Variants in NKX6-2 observed in about 807,000 individuals in gnomAD.
NKX6-2 encodes NK6 homeobox 2.
In NKX6-2, 22 loss-of-function variants were observed where a neutral mutation model predicts 19.9. The ratio of observed to expected loss-of-function variants is 1.10; its 90% CI spans 0.79 to 1.58. NKX6-2 has a LOEUF of 1.58. Among genes scored for constraint, NKX6-2 ranks in the 40% most tolerant of loss-of-function variants. The probability of loss-of-function intolerance (pLI) is 0.00; values close to 1 mark genes in which losing one functional copy is unlikely to be tolerated. For synonymous variants in NKX6-2, 257 were observed against 204.0 expected (o/e 1.26, Z -2.21); for missense variants, 475 against 410.6 (o/e 1.16, Z -1.35).
In NKX6-2 at chr10:132,784,170, G is replaced by C. The variant is rs1847217624; in HGVS notation, c.*746C>G. 1 of 152,198 alleles carries C rather than the reference G, an allele frequency of 6.6e-6. No individual in the cohort carries two copies. The highest frequency in any genetic ancestry group is 1.5e-5 in the Non-Finnish European group (1 of 68,008). The allele number at this position is 152,198 out of a possible 1,614,324, so 9.4% of individuals were successfully genotyped here. A position where few individuals can be genotyped will look rare whatever the true frequency, so the allele number is the denominator to read the frequency against. On this transcript the variant is annotated 3_prime_UTR_variant, in exon 3 of 3. Coordinates refer to ENST00000368592, the MANE Select transcript of NKX6-2 (RefSeq NM_177400.3). ...GGCTCCCTGACCCCGCGTGACCCAC[G>C]GGAGGCCCCGCCGCTCCGCGGGCGG...
Position 132,785,290 on chromosome 10 carries a change from C to T in NKX6-2, c.569G>A (p.Ser190Asn). 2 of 1,605,698 alleles carry T rather than the reference C, an allele frequency of 1.2e-6. No homozygotes were observed. Among genetic ancestry groups the T allele is most frequent in the East Asian group, 2.3e-5 (1 of 44,084 alleles). Reference protein sequence around the residue: ...RLAYSLGMTESQVKVWFQNRR... With the variant: ...RLAYSLGMTENQVKVWFQNRR... The stretch of plus-strand genomic sequence containing the variant: ...CCCCGCCGCGCTCACCTTCACCTGG[C>T]TCTCGGTCATGCCCAGCGAGTAGGC... The change falls in exon 2 of 3, where the codon AGC becomes AAC. Residue 190 changes from serine to asparagine, a missense_variant. By Grantham distance (46) the Ser-to-Asn change is conservative. Coordinates refer to ENST00000368592, the MANE Select transcript of NKX6-2 (RefSeq NM_177400.3). The surrounding 1 kb of genome is among the most constrained non-coding windows in gnomAD (Gnocchi z 5.5).
In NKX6-2 at chr10:132,783,576, A is replaced by G. The variant is rs952662223; in HGVS notation, c.*1340T>C. The G allele has an allele frequency of 3.3e-5, 5 of 152,324 alleles. No homozygotes were observed. The highest frequency in any genetic ancestry group is 7.3e-5 in the Non-Finnish European group (5 of 68,038). The allele number at this position is 152,324 out of a possible 1,614,324, so 9.4% of individuals were successfully genotyped here. ...CCTGTATAGCCTGTTATTTGAGATC[A>G]AGCTCATTAGAAATCCTGGAATTTC... On this transcript the variant is annotated 3_prime_UTR_variant, in exon 3 of 3. Coordinates refer to ENST00000368592, the MANE Select transcript of NKX6-2 (RefSeq NM_177400.3).
In NKX6-2 at chr10:132,784,477, G is replaced by C. The variant is rs1847222671; in HGVS notation, c.*439C>G. The C allele has an allele frequency of 1.3e-5, 2 of 159,598 alleles. No individual in the cohort carries two copies. Among genetic ancestry groups the C allele is most frequent in the Admixed American group, 6.5e-5 (1 of 15,444 alleles). 9.9% of individuals were successfully genotyped at this position (159,598 alleles called of 1,614,324 possible). A position where few individuals can be genotyped will look rare whatever the true frequency, so the allele number is the denominator to read the frequency against. On this transcript the variant is annotated 3_prime_UTR_variant, in exon 3 of 3. Transcript: ENST00000368592. ...GAAGAAAAACCTCCCGCGGGGACTCGAGGCGGGTACGCGGCTCACCCGCCC... is the reference window on the plus strand; with the variant it reads ...GAAGAAAAACCTCCCGCGGGGACTCCAGGCGGGTACGCGGCTCACCCGCCC...
At position 132,784,967 on chromosome 10, in the gene NKX6-2, C is replaced by A. The variant is rs749333667; in HGVS notation, c.783G>T (p.Ser261=). Residue 261 remains serine (S), a synonymous_variant, in exon 3 of 3, where the codon TCG becomes TCT. Coordinates refer to ENST00000368592, the MANE Select transcript of NKX6-2 (RefSeq NM_177400.3). The part of the protein sequence containing the change: ...ITRLLKKHKP[S]NLALVSPCGG... ...CGCACGGGCTGACCAGCGCCAAGTT[C>A]GAGGGTTTGTGCTTCTTGAGCAGCC... is the stretch of plus-strand genomic sequence containing the variant. 1 of 1,612,688 alleles carries A rather than the reference C, an allele frequency of 6.2e-7. No individual in the cohort carries two copies. The highest frequency in any genetic ancestry group is 8.5e-7 in the Non-Finnish European group (1 of 1,179,842).
Position 132,783,792 on chromosome 10 carries a change from C to T in NKX6-2, c.*1124G>A, listed in dbSNP as rs1038063266. On this transcript the variant is annotated 3_prime_UTR_variant, in exon 3 of 3. Transcript: ENST00000368592. ...CTGAGAGGGGCTCCCCACAGAAAAG[C>T]GTTGCTTCTGCCCTTCGAGTTGCTT... 6.6e-6 allele frequency: 1 copy of T among 152,198 alleles called. No individual in the cohort carries two copies. The highest frequency in any genetic ancestry group is 1.5e-5 in the Non-Finnish European group (1 of 68,042). 9.4% of individuals were successfully genotyped at this position (152,198 alleles called of 1,614,324 possible).
chr10:132,784,877 G>A lies in NKX6-2; in HGVS notation c.*39C>T, dbSNP rs772017421. On this transcript the variant is annotated 3_prime_UTR_variant, in exon 3 of 3. Transcript: ENST00000368592. ...TCGCGCCCACCCGGGGCCGCCCCCG[G>A]ATTCTGCAAAAATAGATTCGCCCCC... The A allele has an allele frequency of 7.0e-6, 11 of 1,568,916 alleles. No homozygotes were observed. The highest frequency in any genetic ancestry group is 1.8e-4 in the Middle Eastern group (1 of 5,422).
In NKX6-2 at chr10:132,785,458, A is replaced by T; in HGVS notation, c.407-6T>A. Reference sequence around the variant, plus strand: ...CAGGACGCCGCCGGCCGGGGCTGCAAGGGAGGGGAAGGGAGGGAGGTCAGC... The same window carrying T: ...CAGGACGCCGCCGGCCGGGGCTGCATGGGAGGGGAAGGGAGGGAGGTCAGC... On this transcript the variant is annotated splice_region_variant and splice_polypyrimidine_tract_variant and intron_variant, in intron 1 of 2. Coordinates refer to ENST00000368592, the MANE Select transcript of NKX6-2 (RefSeq NM_177400.3). The surrounding 1 kb of genome is among the most constrained non-coding windows in gnomAD (Gnocchi z 5.5). 1 of 1,546,336 alleles carries T rather than the reference A, an allele frequency of 6.5e-7. No individual in the cohort carries two copies. Among genetic ancestry groups the T allele is most frequent in the Non-Finnish European group, 8.7e-7 (1 of 1,146,438 alleles).
chr10:132,785,360 AG>A lies in NKX6-2; in HGVS notation c.498del (p.Phe167SerfsTer21), dbSNP rs766779008. The A allele has an allele frequency of 6.2e-7, 1 of 1,605,848 alleles. No homozygotes were observed. Among genetic ancestry groups the A allele is most frequent in the South Asian group, 1.1e-5 (1 of 90,248 alleles). On this transcript the variant is annotated frameshift_variant, in exon 2 of 3. Transcript: ENST00000368592. LOFTEE classifies it high-confidence loss of function. The surrounding 1 kb of genome is among the most constrained non-coding windows in gnomAD (Gnocchi z 5.5). ...CCCGCCAGGTACTTGGTCTGCTCGA[AG>A]GTTTTCTCCAGCGCGAAGATCTGCT... Reference protein sequence around the residue: ...SGQQIFALEKTFEQTKYLAGP... With the variant: ...SGQQIFALEKXFEQTKYLAGP...
chr10:132,785,618 G>A lies in NKX6-2; in HGVS notation c.331C>T (p.Pro111Ser), dbSNP rs1189942570. Residue 111 changes from proline (P) to serine (S), a missense_variant, in exon 1 of 3, where the codon CCG becomes TCG. Pro to Ser is a moderately conservative substitution (Grantham distance 74). Transcript: ENST00000368592. This position sits in a 1 kb window ranked among gnomAD's most constrained non-coding sequence, Gnocchi z 5.5. Reference sequence around the variant, plus strand: ...GGCCAGAAGATGGGCGGGCGCCCCGGCAGCTCGGCCAGGGGCTTGGGGTAG... The same window carrying A: ...GGCCAGAAGATGGGCGGGCGCCCCGACAGCTCGGCCAGGGGCTTGGGGTAG... The part of the protein sequence containing the change: ...RGYPKPLAEL[P>S]GRPPIFWPGV... The A allele has an allele frequency of 1.6e-6, 2 of 1,244,934 alleles. No individual in the cohort carries two copies. The highest frequency in any genetic ancestry group is 1.6e-5 in the African/African-American group (1 of 63,504). The allele number at this position is 1,244,934 out of a possible 1,614,324, so 77.1% of individuals were successfully genotyped here. A position where few individuals can be genotyped will look rare whatever the true frequency, so the allele number is the denominator to read the frequency against.
rs1473421228 is a variant in NKX6-2 at position 132,784,502 on chromosome 10, C to T, written c.*414G>A. The T allele has an allele frequency of 1.8e-5, 3 of 166,834 alleles. No homozygotes were observed. Among genetic ancestry groups the T allele is most frequent in the East Asian group, 1.7e-4 (1 of 5,880 alleles). 10.3% of individuals were successfully genotyped at this position (166,834 alleles called of 1,614,324 possible). A position where few individuals can be genotyped will look rare whatever the true frequency, so the allele number is the denominator to read the frequency against. On this transcript the variant is annotated 3_prime_UTR_variant, in exon 3 of 3. Transcript: ENST00000368592. The stretch of plus-strand genomic sequence containing the variant: ...GAGGCGGGTACGCGGCTCACCCGCC[C>T]TTTCGGGAACCCCCAAGCGCGTCCG...
Position 132,785,026 on chromosome 10 carries a change from G to C in NKX6-2, c.724C>G (p.Leu242Val), listed in dbSNP as rs757158370. ...AEDDDEYNRP[L>V]DPNSDDEKIT... ...TTCTCGTCGTCCGAGTTGGGGTCCA[G>C]GGGCCGGTTGTATTCGTCGTCGTCC... The change falls in exon 3 of 3, where the codon CTG becomes GTG. Residue 242 changes from leucine (L) to valine (V), a missense_variant. Leu to Val is a conservative substitution (Grantham distance 32). Coordinates refer to ENST00000368592, the MANE Select transcript of NKX6-2 (RefSeq NM_177400.3). The surrounding 1 kb of genome is among the most constrained non-coding windows in gnomAD (Gnocchi z 5.5). 5 of 1,610,092 alleles carry C rather than the reference G, an allele frequency of 3.1e-6. No homozygotes were observed. Among genetic ancestry groups the C allele is most frequent in the South Asian group, 1.1e-5 (1 of 91,032 alleles).
Position 132,786,114 on chromosome 10 carries a change from C to CG in NKX6-2, c.-167dup, listed in dbSNP as rs1390578146. ...CTCCGGCGCGGGGCGGGCGGGCGGG[C>CG]GGCGGCGGCGGCGGCTCCGGGGCCG... On this transcript the variant is annotated 5_prime_UTR_variant, in exon 1 of 3. Coordinates refer to ENST00000368592, the MANE Select transcript of NKX6-2 (RefSeq NM_177400.3). The CG allele has an allele frequency of 1.4e-5, 2 of 143,772 alleles. No homozygotes were observed. The highest frequency in any genetic ancestry group is 6.9e-5 in the Admixed American group (1 of 14,566). The allele number at this position is 143,772 out of a possible 1,614,324, so 8.9% of individuals were successfully genotyped here.
At position 132,785,772 on chromosome 10, in the gene NKX6-2, G is replaced by A. The variant is rs1191064258; in HGVS notation, c.177C>T (p.Gly59=). The change falls in exon 1 of 3, where the codon GGC becomes GGT. Residue 59 remains glycine (G), a synonymous_variant. Coordinates refer to ENST00000368592, the MANE Select transcript of NKX6-2 (RefSeq NM_177400.3). This position sits in a 1 kb window ranked among gnomAD's most constrained non-coding sequence, Gnocchi z 5.5. ...GAQLPLGTPH[G]ISDILGRPVG... ...CGGGCCGGCCCAGGATGTCGCTGATGCCGTGCGGGGTCCCGAGCGGGAGCT... is the reference window on the plus strand; with the variant it reads ...CGGGCCGGCCCAGGATGTCGCTGATACCGTGCGGGGTCCCGAGCGGGAGCT... The A allele has an allele frequency of 7.7e-7, 1 of 1,298,938 alleles. No individual in the cohort carries two copies. The highest frequency in any genetic ancestry group is 3.7e-5 in the Admixed American group (1 of 27,014). 80.5% of individuals were successfully genotyped at this position (1,298,938 alleles called of 1,614,324 possible). A position where few individuals can be genotyped will look rare whatever the true frequency, so the allele number is the denominator to read the frequency against.
rs763247598 is a variant in NKX6-2, at chr10:132,785,898, G to T, written c.51C>A (p.Ala17=). 2 of 1,382,914 alleles carry T rather than the reference G, an allele frequency of 1.4e-6. No homozygotes were observed. The highest frequency in any genetic ancestry group is 1.9e-6 in the Non-Finnish European group (2 of 1,041,730). 85.7% of individuals were successfully genotyped at this position (1,382,914 alleles called of 1,614,324 possible). Residue 17 remains alanine, a synonymous_variant, in exon 1 of 3, where the codon GCC becomes GCA. Transcript: ENST00000368592. This position sits in a 1 kb window ranked among gnomAD's most constrained non-coding sequence, Gnocchi z 5.5. ...GAFVLSSAPL[A]ALHNMAEMKT... ...TCATCTCGGCCATGTTGTGCAGCGC[G>T]GCCAGCGGGGCACTGCTCAGCACGA...
chr10:132,786,040 G>C lies in NKX6-2; in HGVS notation c.-92C>G, dbSNP rs906608194. ...CGGGAAGTTTGCGCGCGGCCCGGGC[G>C]GGCGTCGGCTGCAGCGCGGGGCGCG... is the stretch of plus-strand genomic sequence containing the variant. On this transcript the variant is annotated 5_prime_UTR_variant, in exon 1 of 3. Transcript: ENST00000368592. 4.0e-6 allele frequency: 1 copy of C among 247,658 alleles called. No homozygotes were observed. The highest frequency in any genetic ancestry group is 6.3e-6 in the Non-Finnish European group (1 of 158,280). 15.3% of individuals were successfully genotyped at this position (247,658 alleles called of 1,614,324 possible).
At position 132,783,973 on chromosome 10, in the gene NKX6-2, C is replaced by T. The variant is rs540062238; in HGVS notation, c.*943G>A. On this transcript the variant is annotated 3_prime_UTR_variant, in exon 3 of 3. Coordinates refer to ENST00000368592, the MANE Select transcript of NKX6-2 (RefSeq NM_177400.3). ...ATTTTTAAAAATTAAAACTCAACAG[C>T]CACGCCCATTAAGATGCAGCGATGG... 1 of 152,256 alleles carries T rather than the reference C, an allele frequency of 6.6e-6. No homozygotes were observed. The highest frequency in any genetic ancestry group is 1.5e-5 in the Non-Finnish European group (1 of 68,038). 9.4% of individuals were successfully genotyped at this position (152,256 alleles called of 1,614,324 possible).
At position 132,785,265 on chromosome 10, in the gene NKX6-2, C is replaced by A. The variant is rs1251675016; in HGVS notation, c.579+15G>T. 13 of 1,599,690 alleles carry A rather than the reference C, an allele frequency of 8.1e-6. No individual in the cohort carries two copies. In the South Asian group the frequency reaches 9.0e-5, roughly 11 times the overall value. On this transcript the variant is annotated intron_variant, in intron 2 of 2. Coordinates refer to ENST00000368592, the MANE Select transcript of NKX6-2 (RefSeq NM_177400.3). This position sits in a 1 kb window ranked among gnomAD's most constrained non-coding sequence, Gnocchi z 5.5. ...GGGCCCCCGGCTCTGCTCTCCCGAGCCCCGCCGCGCTCACCTTCACCTGGC... is the reference window on the plus strand; with the variant it reads ...GGGCCCCCGGCTCTGCTCTCCCGAGACCCGCCGCGCTCACCTTCACCTGGC...
At position 132,785,225 on chromosome 10, in the gene NKX6-2, C is replaced by A; in HGVS notation, c.579+55G>T. 1 of 1,580,470 alleles carries A rather than the reference C, an allele frequency of 6.3e-7. No homozygotes were observed. Among genetic ancestry groups the A allele is most frequent in the Non-Finnish European group, 8.6e-7 (1 of 1,164,930 alleles). On this transcript the variant is annotated intron_variant, in intron 2 of 2. Transcript: ENST00000368592. This position sits in a 1 kb window ranked among gnomAD's most constrained non-coding sequence, Gnocchi z 5.5. ...GCGGGGCCCGGGGCTGGCGCTGGGG[C>A]CGTTCGCAGGACGCGGGCCCCCGGC... is the stretch of plus-strand genomic sequence containing the variant.
rs1461695402 is a variant in NKX6-2, at chr10:132,785,047, C to T, written c.703G>A (p.Asp235Asn). The T allele has an allele frequency of 3.1e-6, 5 of 1,609,486 alleles. No individual in the cohort carries two copies. In the East Asian group the frequency reaches 6.7e-5, roughly 22 times the overall value. ...TCCAGGGGCCGGTTGTATTCGTCGT[C>T]GTCCTCCGCGTCCGAGCCGCCCACC... ...LKVGGSDAED[D>N]DEYNRPLDPN... is the part of the protein sequence containing the mutation. Residue 235 changes from aspartate to asparagine, a missense_variant, in exon 3 of 3, where the codon GAC (aspartate) becomes AAC (asparagine). By Grantham distance (23) the Asp-to-Asn change is conservative. Coordinates refer to ENST00000368592, the MANE Select transcript of NKX6-2 (RefSeq NM_177400.3). The surrounding 1 kb of genome is among the most constrained non-coding windows in gnomAD (Gnocchi z 5.5).
Sources: allele counts gnomAD v4.1 joint callset, GRCh38; gene constraint gnomAD v4.1.1; non-coding constraint Gnocchi (gnomAD v3.1); transcripts MANE v1.5; gene names NCBI Gene and HGNC (gene_info 2026-07-23, HGNC 2026-07-21).